CCDC171: variants seen among roughly 807,000 people sequenced by gnomAD.
CCDC171 encodes coiled-coil domain containing 171, also known as coiled-coil domain-containing protein 171.
A neutral mutation model predicts 168.2 loss-of-function variants in CCDC171; 177 were observed. The ratio of observed to expected loss-of-function variants is 1.05; its 90% CI spans 0.93 to 1.19. CCDC171 has a LOEUF of 1.19. CCDC171 is among the 50% of genes most tolerant of loss of function. The probability of loss-of-function intolerance (pLI) is 0.00; values close to 1 mark genes in which losing one functional copy is unlikely to be tolerated. For synonymous variants in CCDC171, 687 were observed against 540.8 expected (o/e 1.27, Z -3.75); for missense variants, 1,991 against 1,539.0 (o/e 1.29, Z -4.91).
intron 7 of CCDC171, among the ~76,000 whole-genome samples, chr9:15,625,712 T>G (rs1416590786): frequency 1.3e-5 from 2 of 152,234 alleles, no homozygotes; most frequent in African/African-American, 2.4e-5. Flanking sequence ...CTGTTTTGGT[T>G]ACTGTAGCCT....
chr9:15,748,724 T>A (rs887641280), intron 18 of CCDC171, among the ~76,000 whole-genome samples: 1 of 152,172 alleles, frequency 6.6e-6, no homozygotes, highest in Non-Finnish European at 1.5e-5. Flanking sequence ...AGCCAAACTA[T>A]GCTTCTTAAG....
At chr9:15,759,018 A>C (rs1372846540) in intron 18 of CCDC171, among the ~76,000 whole-genome samples, 1 of 152,178 alleles carries the variant, frequency 6.6e-6, no homozygotes, top group East Asian at 1.9e-4. Flanking sequence ...GTCGCTGCAA[A>C]GGATATGATT....
intron 25 of CCDC171, among the ~76,000 whole-genome samples, chr9:15,953,830 G>A (rs1473207537): frequency 6.6e-6 from 1 of 151,972 alleles, no homozygotes; most frequent in Admixed American, 6.6e-5. Flanking sequence ...AAAGGTTTTT[G>A]ATTACTGAGT....
At chr9:15,872,175 A>G (rs758962201) in intron 23 of CCDC171, among the ~76,000 whole-genome samples, 28 of 152,154 alleles carry the variant, frequency 1.8e-4, no homozygotes, top group Non-Finnish European at 3.2e-4. Context: ...ATATTATTCA[A>G]ATGATTATGA....
rs2051135076 is a variant in CCDC171 at position 15,695,347 on chromosome 9, A to C, written c.1318+10A>C. ...GGCCAGTGGACATCAGGTTAGTTGAAGGTATAAAATGACAGATGCATCTGT... is the reference window on the plus strand; with the variant it reads ...GGCCAGTGGACATCAGGTTAGTTGACGGTATAAAATGACAGATGCATCTGT... On this transcript the variant is annotated intron_variant, in intron 11 of 25. Coordinates refer to ENST00000380701, the MANE Select transcript of CCDC171 (RefSeq NM_173550.4). The C allele has an allele frequency of 6.2e-7, 1 of 1,604,530 alleles. No individual in the cohort carries two copies. The highest frequency in any genetic ancestry group is 1.7e-5 in the Admixed American group (1 of 59,948).
At chr9:15,666,421 C>G in intron 9 of CCDC171, 98 bp downstream of exon 9, 1 of 770,664 alleles carries the variant, frequency 1.3e-6, no homozygotes, top group South Asian at 2.3e-5. Flanking sequence ...ATATAGCTCC[C>G]ATTAATGTCA....
intron 7 of CCDC171, among the ~76,000 whole-genome samples, chr9:15,633,478 C>T (rs1254878580): frequency 6.6e-6 from 1 of 152,130 alleles, no homozygotes; most frequent in Non-Finnish European, 1.5e-5. Context: ...AATGAGATAC[C>T]ATCTCACACC....
At chr9:15,644,026 T>C (rs1427817823) in intron 7 of CCDC171, among the ~76,000 whole-genome samples, 1 of 152,170 alleles carries the variant, frequency 6.6e-6, no homozygotes, top group African/African-American at 2.4e-5. Flanking sequence ...TAAAAAATGG[T>C]GCTATAAACT....
chr9:15,652,934 G>T (rs1242524336), intron 7 of CCDC171, among the ~76,000 whole-genome samples: 1 of 152,076 alleles, frequency 6.6e-6, no homozygotes, highest in African/African-American at 2.4e-5. Context: ...ACATCCTGTG[G>T]GACTGGTATT....
intron 16 of CCDC171, among the ~76,000 whole-genome samples, chr9:15,742,352 A>G (rs896126586): frequency 1.3e-4 from 20 of 152,198 alleles, no homozygotes; most frequent in African/African-American, 4.8e-4. Flanking sequence ...GTACTTTTCA[A>G]ATTTCCATCC....
intron 25 of CCDC171, among the ~76,000 whole-genome samples, chr9:15,953,261 T>C (rs761523749): frequency 1.2e-4 from 19 of 152,214 alleles, no homozygotes; most frequent in Non-Finnish European, 5.9e-5. Flanking sequence ...TTCCTGATCA[T>C]AAAGAGAAAG....
At chr9:15,735,110 T>A (rs1408105289) in intron 16 of CCDC171, among the ~76,000 whole-genome samples, 1 of 152,240 alleles carries the variant, frequency 6.6e-6, no homozygotes, top group East Asian at 1.9e-4. Flanking sequence ...ACTTTTTTAA[T>A]GTCGAAGCTT....
intron 18 of CCDC171, among the ~76,000 whole-genome samples, chr9:15,749,705 C>T (rs997631202): frequency 9.2e-5 from 14 of 152,134 alleles, no homozygotes; most frequent in African/African-American, 3.1e-4. Flanking sequence ...AACTGAACAA[C>T]CTGCTCCTGA....
At chr9:15,857,889 T>G (rs984087812) in intron 23 of CCDC171, among the ~76,000 whole-genome samples, 1 of 152,030 alleles carries the variant, frequency 6.6e-6, no homozygotes, top group Non-Finnish European at 1.5e-5. Flanking sequence ...GAACTCTATG[T>G]CTGTTTCTCT....
At chr9:15,908,175 A>G (rs1386705876) in intron 24 of CCDC171, among the ~76,000 whole-genome samples, 1 of 151,992 alleles carries the variant, frequency 6.6e-6, no homozygotes, top group Admixed American at 6.6e-5. Flanking sequence ...AAAGGACTAT[A>G]AATCATGCTG....
intron 24 of CCDC171, 65 bp from the exon 25 acceptor site, chr9:15,920,205 A>G (rs1293677248): frequency 9.7e-7 from 1 of 1,029,014 alleles, no homozygotes; most frequent in Non-Finnish European, 1.3e-6. Context: ...CTTTCAAATT[A>G]TGGAAATTCT....
chr9:15,756,955 A>T (rs1480869670), intron 18 of CCDC171, among the ~76,000 whole-genome samples: 1 of 152,174 alleles, frequency 6.6e-6, no homozygotes, highest in Non-Finnish European at 1.5e-5. Context: ...AGCCATGTGG[A>T]ACTATAAATC....
At chr9:16,005,072 C>T (rs114318853) in intron 3 of CCDC171, among the ~76,000 whole-genome samples, 3,031 of 152,246 alleles carry the variant, frequency 0.02, 94 homozygotes, top group African/African-American at 0.068. Context: ...TTCAATGATA[C>T]AGTATTTTCA....
At chr9:15,708,630 A>G (rs903036939) in intron 11 of CCDC171, among the ~76,000 whole-genome samples, 24 of 152,186 alleles carry the variant, frequency 1.6e-4, no homozygotes, top group African/African-American at 4.6e-4. Flanking sequence ...GATTGGAGGT[A>G]AAGTTCTGAG....
Sources: allele counts gnomAD v4.1 joint callset (sites outside exome capture counted in the v4.1 genomes callset), GRCh38; gene constraint gnomAD v4.1.1; transcripts MANE v1.5; gene names NCBI Gene and HGNC (gene_info 2026-07-23, HGNC 2026-07-21).